MTAP: variants seen among roughly 807,000 people sequenced by gnomAD.
The protein encoded by MTAP is methylthioadenosine phosphorylase.
A neutral mutation model predicts 33.6 loss-of-function variants in MTAP; 33 were observed. That is an observed-to-expected ratio of 0.98 (90% CI 0.74 to 1.31). MTAP has a LOEUF of 1.31. Ranked by LOEUF, MTAP falls within the 40% of genes most tolerant of loss-of-function variation. The probability of loss-of-function intolerance (pLI) is 0.00; values close to 1 mark genes in which losing one functional copy is unlikely to be tolerated. For missense variants in MTAP, 367 were observed against 360.0 expected (o/e 1.02, Z -0.16); for synonymous variants, 148 against 125.7 (o/e 1.18, Z -1.19).
intron 1 of MTAP, among the ~76,000 whole-genome samples, chr9:21,920,365 G>A (rs1818768631): frequency 6.6e-6 from 1 of 152,146 alleles, no homozygotes; most frequent in Admixed American, 6.5e-5. Context: ...GATTTTCCTT[G>A]GCCACTGCGT....
chr9:21,904,033 TGGG>T (rs1818433838), intron 1 of MTAP, among the ~76,000 whole-genome samples: 1 of 152,138 alleles, frequency 6.6e-6, no homozygotes, highest in South Asian at 2.1e-4. Context: ...TCTCAGCAGA[TGGG>T]GGAGCCAGAA....
At chr9:21,802,915 G>T (rs910454897) in intron 1 of MTAP, 134 bp downstream of exon 1, 11 of 1,448,540 alleles carry the variant, frequency 7.6e-6, no homozygotes, top group Non-Finnish European at 9.9e-6. Flanking sequence ...GGACTGGGGC[G>T]CGGCACTCGG....
intron 5 of MTAP, among the ~76,000 whole-genome samples, chr9:21,842,256 G>T (rs1289914094): frequency 6.6e-6 from 1 of 152,096 alleles, no homozygotes; most frequent in Non-Finnish European, 1.5e-5. Flanking sequence ...AATTTTAAAA[G>T]AAATTTGGGT....
chr9:21,939,056 T>C (rs1048028261), downstream of MTAP, among the ~76,000 whole-genome samples: 1 of 152,054 alleles, frequency 6.6e-6, no homozygotes, highest in African/African-American at 2.4e-5. Context: ...AATCATGGAG[T>C]CTGGTCTTTC....
chr9:21,838,114 C>G (rs1026067087), intron 5 of MTAP, 104 bp downstream of exon 5: 15 of 858,452 alleles, frequency 1.7e-5, no homozygotes, highest in Non-Finnish European at 2.7e-5. Context: ...TACCCTCACT[C>G]AAGTTTGCTT....
At chr9:21,901,473 TCAGACATCAGGCA>T (rs1818392167) in intron 1 of MTAP, among the ~76,000 whole-genome samples, 1 of 152,154 alleles carries the variant, frequency 6.6e-6, no homozygotes, top group African/African-American at 2.4e-5. Flanking sequence ...TCATAAAGAA[TCAGACATCAGGCA>T]CAGAAAATTG....
In MTAP at chr9:21,864,272, A is replaced by G. The variant is rs190876521; in HGVS notation, c.*2258A>G. The stretch of plus-strand genomic sequence containing the variant: ...TCACTCCTTATGCAAAGCCAATATA[A>G]TTTTCCTCATACCTTATGCTTGAGG... On this transcript the variant is annotated 3_prime_UTR_variant, in exon 8 of 8. Coordinates refer to ENST00000644715, the MANE Select transcript of MTAP (RefSeq NM_002451.4). 1.0e-6 allele frequency: 1 copy of G among 985,360 alleles called. No homozygotes were observed. Among genetic ancestry groups the G allele is most frequent in the African/African-American group, 1.7e-5 (1 of 57,338 alleles). 61.0% of individuals were successfully genotyped at this position (985,360 alleles called of 1,614,324 possible).
At chr9:21,920,104 G>A (rs1157088510) in intron 1 of MTAP, among the ~76,000 whole-genome samples, 1 of 152,172 alleles carries the variant, frequency 6.6e-6, no homozygotes, top group East Asian at 1.9e-4. Flanking sequence ...AATTAGACTA[G>A]AGTAGATTTA....
In MTAP at chr9:21,802,683, C is replaced by G; in HGVS notation, c.-66C>G. 2.5e-6 allele frequency: 4 copies of G among 1,568,904 alleles called. No individual in the cohort carries two copies. The highest frequency in any genetic ancestry group is 3.5e-6 in the Non-Finnish European group (4 of 1,156,406). On this transcript the variant is annotated 5_prime_UTR_variant, in exon 1 of 8. Transcript: ENST00000644715. ...CAGTGAGGTTGGCACAGCCACCGCTCTGTGGCTCGCTTGGTTCCCTTAGTC... is the reference window on the plus strand; with the variant it reads ...CAGTGAGGTTGGCACAGCCACCGCTGTGTGGCTCGCTTGGTTCCCTTAGTC...
chr9:21,816,798 G>T, intron 3 of MTAP, 26 bp downstream of exon 3: 1 of 1,575,312 alleles, frequency 6.3e-7, no homozygotes, highest in Non-Finnish European at 8.7e-7. Context: ...CTTTTTGGAT[G>T]TTACTACTAA....
In MTAP at chr9:21,828,177, TTC is replaced by T. The variant is rs535401408; in HGVS notation, c.348-9729_348-9728del. Among the ~76,000 whole-genome samples the T allele has an allele frequency of 4.3e-3, 661 of 152,332 alleles. 3 individuals carry two copies. The highest frequency in any genetic ancestry group is 6.0e-3 in the Non-Finnish European group (411 of 68,026). On this transcript the variant is annotated intron_variant, in intron 4 of 7. Transcript: ENST00000644715. ...GTAACCTTAAGATCTTCTACTATTTTTCTGTTTATGAGACATATGGATAACCT... is the reference window on the plus strand; with the variant it reads ...GTAACCTTAAGATCTTCTACTATTTTTGTTTATGAGACATATGGATAACCT...
In MTAP at chr9:21,862,007, G is replaced by A; in HGVS notation, c.845G>A (p.Arg282Lys). 1 of 1,610,098 alleles carries A rather than the reference G, an allele frequency of 6.2e-7. No homozygotes were observed. The highest frequency in any genetic ancestry group is 8.5e-7 in the Non-Finnish European group (1 of 1,177,230). Residue 282 changes from arginine (R) to lysine (K), a missense_variant, in exon 8 of 8, where the codon AGA becomes AAA. Transcript: ENST00000644715. ...GCCCAGTTTTCTGTTTTATTACCAA[G>A]ACATTAAAGTAGCATGGCTGCCCAG... ...NMAQFSVLLP[R>K]H
At position 21,864,545 on chromosome 9, in the gene MTAP, G is replaced by C. The variant is rs904588279; in HGVS notation, c.*2531G>C. ...TATAATCTGCTGTTATATTTGGCATGGATTTTCATGGTTTTGAGAATGACA... is the reference window on the plus strand; with the variant it reads ...TATAATCTGCTGTTATATTTGGCATCGATTTTCATGGTTTTGAGAATGACA... On this transcript the variant is annotated 3_prime_UTR_variant, in exon 8 of 8. Coordinates refer to ENST00000644715, the MANE Select transcript of MTAP (RefSeq NM_002451.4). 7 of 985,266 alleles carry C rather than the reference G, an allele frequency of 7.1e-6. No individual in the cohort carries two copies. In the African/African-American group the frequency reaches 1.2e-4, roughly 17 times the overall value. 61.0% of individuals were successfully genotyped at this position (985,266 alleles called of 1,614,324 possible).
At chr9:21,909,598 C>T (rs1456756356) in intron 1 of MTAP, among the ~76,000 whole-genome samples, 1 of 152,054 alleles carries the variant, frequency 6.6e-6, no homozygotes, top group East Asian at 1.9e-4. Flanking sequence ...GTGTAAGAGG[C>T]ATACTAAGCT....
intron 1 of MTAP, among the ~76,000 whole-genome samples, chr9:21,912,415 A>G: frequency 6.6e-6 from 1 of 152,204 alleles, no homozygotes; most frequent in Non-Finnish European, 1.5e-5. Flanking sequence ...CCAGCAGCAC[A>G]TCCAAAAGCT....
chr9:21,935,767 A>T (rs1473357534), downstream of MTAP: 4 of 152,118 alleles, frequency 2.6e-5, no homozygotes, highest in Non-Finnish European at 4.4e-5. Context: ...CTCATCCCAC[A>T]TTGGAGGAAG....
chr9:21,867,257 T>C (rs1050350446), downstream of MTAP, among the ~76,000 whole-genome samples: 36 of 152,166 alleles, frequency 2.4e-4, no homozygotes, highest in Admixed American at 1.2e-3. Flanking sequence ...CTTGTCTTAT[T>C]CTCAACAGCA....
At chr9:21,860,109 G>C (rs1013548892) in intron 7 of MTAP, 1 of 152,150 alleles carries the variant, frequency 6.6e-6, no homozygotes, top group African/African-American at 2.4e-5. Context: ...TTCTGGTGGT[G>C]GTGGAGAGAG....
At chr9:21,930,146 G>C in intron 1 of MTAP, 2 of 416,184 alleles carry the variant, frequency 4.8e-6, no homozygotes. Flanking sequence ...GGTTCTAATG[G>C]AGTAAACTCA....
Sources: allele counts gnomAD v4.1 joint callset (sites outside exome capture counted in the v4.1 genomes callset), GRCh38; gene constraint gnomAD v4.1.1; transcripts MANE v1.5; gene names NCBI Gene and HGNC (gene_info 2026-07-23, HGNC 2026-07-21).